DLC1: variants seen among roughly 807,000 people sequenced by gnomAD.
DLC1 encodes rho GTPase-activating protein 7.
In DLC1, 54 loss-of-function variants were observed where a neutral mutation model predicts 140.3. The ratio of observed to expected loss-of-function variants is 0.38; its 90% confidence interval spans 0.31 to 0.48. The LOEUF is 0.48. Ranked by LOEUF, DLC1 falls within the 20% of genes least tolerant of loss-of-function variation. The pLI, the probability that DLC1 is intolerant of heterozygous loss-of-function variation, is 0.96. For missense variants in DLC1, 2,536 were observed against 1,907.0 expected, an observed-to-expected ratio of 1.33 and a Z score of -6.14; for synonymous variants, 986 against 728.1, an observed-to-expected ratio of 1.35 and a Z score of -5.70.
Position 13,377,831 on chromosome 8 carries a change from T to C in DLC1, c.1314+15722A>G, listed in dbSNP as rs150318142. On this transcript the variant is annotated intron_variant, in intron 4 of 17. Coordinates refer to ENST00000276297, the MANE Select transcript of DLC1 (RefSeq NM_182643.3). The stretch of plus-strand genomic sequence containing the variant: ...TAAAAGGGAAATTTGTGTAAATCTA[T>C]TGGCCTCCTATTTCGAGTCTTGTGT... Among the ~76,000 whole-genome samples, 11 of 152,122 alleles carry C rather than the reference T, an allele frequency of 7.2e-5. No individual in the cohort carries two copies. In the East Asian group the frequency reaches 2.1e-3, roughly 30 times the overall value.
chr8:13,401,346 G>C, intron 3 of DLC1, 124 bp downstream of exon 3: 1 of 1,234,440 alleles, frequency 8.1e-7, no homozygotes, highest in Non-Finnish European at 1.1e-6. Context: ...TATCTTTATG[G>C]TACTGTACTG....
intron 1 of DLC1, among the ~76,000 whole-genome samples, chr8:13,548,284 A>G (rs1177190149): frequency 6.6e-6 from 1 of 152,010 alleles, no homozygotes; most frequent in Non-Finnish European, 1.5e-5. Context: ...CTATGGCATT[A>G]TGTACTTGGA....
intron 5 of DLC1, among the ~76,000 whole-genome samples, chr8:13,190,495 A>G (rs1464079606): frequency 6.6e-6 from 1 of 152,128 alleles, no homozygotes; most frequent in East Asian, 1.9e-4. Flanking sequence ...TTCCCCTTAT[A>G]GGGTTTATGA....
intron 4 of DLC1, among the ~76,000 whole-genome samples, chr8:13,384,358 A>T (rs1047344496): frequency 2.5e-4 from 32 of 126,348 alleles, no homozygotes; most frequent in African/African-American, 8.7e-4. Flanking sequence ...AGCAAGACAA[A>T]ACTATGTGTG....
intron 5 of DLC1, among the ~76,000 whole-genome samples, chr8:13,294,140 A>G (rs1348065629): frequency 6.6e-6 from 1 of 152,144 alleles, no homozygotes; most frequent in Non-Finnish European, 1.5e-5. Flanking sequence ...ACTGACCACC[A>G]ATGATCTTTT....
chr8:13,180,679 T>C (rs1825983121), intron 5 of DLC1, among the ~76,000 whole-genome samples: 1 of 152,168 alleles, frequency 6.6e-6, no homozygotes, highest in Non-Finnish European at 1.5e-5. Context: ...TCAACTTCTT[T>C]ATTCATTGTA....
intron 1 of DLC1, among the ~76,000 whole-genome samples, chr8:13,603,991 C>T (rs558571980): frequency 6.6e-6 from 1 of 152,020 alleles, no homozygotes; most frequent in Middle Eastern, 3.2e-3. Flanking sequence ...TTTGATCAAA[C>T]TCTATGAAAA....
chr8:13,372,856 TAATA>T (rs1479306763), intron 4 of DLC1, among the ~76,000 whole-genome samples: 1 of 152,202 alleles, frequency 6.6e-6, no homozygotes, highest in Non-Finnish European at 1.5e-5. Flanking sequence ...TTATAATTTA[TAATA>T]AATGTTCTTT....
chr8:13,397,397 C>T (rs1449597500), intron 3 of DLC1, among the ~76,000 whole-genome samples: 1 of 152,058 alleles, frequency 6.6e-6, no homozygotes, highest in Admixed American at 6.6e-5. Context: ...AGCCAGAAGC[C>T]AGGAGAGCAG....
intron 5 of DLC1, among the ~76,000 whole-genome samples, chr8:13,211,135 AGTTTATAAAT>A (rs1827921460): frequency 6.6e-6 from 1 of 152,200 alleles, no homozygotes; most frequent in Non-Finnish European, 1.5e-5. Flanking sequence ...GTGCCACGAC[AGTTTATAAAT>A]GCCGTGGCAA....
chr8:13,150,525 G>C (rs1823728097), intron 5 of DLC1, among the ~76,000 whole-genome samples: 1 of 152,156 alleles, frequency 6.6e-6, no homozygotes, highest in African/African-American at 2.4e-5. Flanking sequence ...GGGATTGTGA[G>C]ACACATGACT....
intron 4 of DLC1, among the ~76,000 whole-genome samples, chr8:13,320,884 G>A (rs1214918544): frequency 2.6e-5 from 4 of 152,126 alleles, no homozygotes; most frequent in Non-Finnish European, 5.9e-5. Context: ...AAAAGAGCCT[G>A]GAACCTTTCT....
At chr8:13,300,781 G>C (rs1832160119) in intron 5 of DLC1, among the ~76,000 whole-genome samples, 1 of 152,216 alleles carries the variant, frequency 6.6e-6, no homozygotes, top group Non-Finnish European at 1.5e-5. Flanking sequence ...GTGGCTAATA[G>C]AGAGTCAGAT....
At chr8:13,304,488 C>G (rs555809217) in intron 5 of DLC1, 1 of 219,772 alleles carries the variant, frequency 4.6e-6, no homozygotes, top group Admixed American at 6.5e-5. Flanking sequence ...CCCCGCCAGA[C>G]AAACTCTACT....
intron 1 of DLC1, among the ~76,000 whole-genome samples, chr8:13,562,533 C>A (rs1407972617): frequency 6.6e-6 from 1 of 152,116 alleles, no homozygotes; most frequent in Non-Finnish European, 1.5e-5. Flanking sequence ...CATTTCTTAT[C>A]CTTTAGATTG....
chr8:13,134,797 A>AAAAT (rs1347857497), intron 5 of DLC1, among the ~76,000 whole-genome samples: 3 of 152,176 alleles, frequency 2.0e-5, no homozygotes, highest in East Asian at 3.8e-4. Flanking sequence ...CATCTGTACA[A>AAAAT]AAATAAATAA....
At position 13,229,025 on chromosome 8, in the gene DLC1, C is replaced by T. The variant is rs1002175521; in HGVS notation, c.1348+76244G>A. On this transcript the variant is annotated intron_variant, in intron 5 of 17. Coordinates refer to ENST00000276297, the MANE Select transcript of DLC1 (RefSeq NM_182643.3). ...TGGTGCAGCTGCCTTGGCACATTGGCAGCTCTTCAAAAGTTAGTAGCATTG... is the reference window on the plus strand; with the variant it reads ...TGGTGCAGCTGCCTTGGCACATTGGTAGCTCTTCAAAAGTTAGTAGCATTG... 2.0e-5 allele frequency among the ~76,000 whole-genome samples: 3 copies of T among 152,182 alleles called. No individual in the cohort carries two copies. In the South Asian group the frequency reaches 6.2e-4, roughly 31 times the overall value.
At chr8:13,337,476 A>ATTTTTAAT (rs1294916527) in intron 4 of DLC1, among the ~76,000 whole-genome samples, 1 of 152,126 alleles carries the variant, frequency 6.6e-6, no homozygotes, top group East Asian at 1.9e-4. Context: ...TTTTGTGGTT[A>ATTTTTAAT]TTTTTAATGC....
chr8:13,385,732 G>A (rs1175460650), intron 4 of DLC1, among the ~76,000 whole-genome samples: 1 of 152,160 alleles, frequency 6.6e-6, no homozygotes, highest in East Asian at 1.9e-4. Flanking sequence ...CTATAGTCAA[G>A]AAGGCCCTCT....
Sources: gnomAD v4.1 joint callset for allele counts (sites outside exome capture counted in the v4.1 genomes callset) on GRCh38, gnomAD v4.1.1 for gene constraint, MANE v1.5 for transcripts, NCBI Gene and HGNC (gene_info 2026-07-23, HGNC 2026-07-21) for gene names.